The following ZNF862 variants were observed in gnomAD, a reference collection of about 807,000 sequenced individuals.
ZNF862 encodes the protein zinc finger protein 862.
In ZNF862, 64 loss-of-function variants were observed where a neutral mutation model predicts 91.1. The ratio of observed to expected loss-of-function variants is 0.70; its 90% CI spans 0.57 to 0.87. ZNF862 has a LOEUF of 0.87. ZNF862 is among the 40% of genes least tolerant of loss of function. ZNF862 has a pLI of 0.00. For synonymous variants in ZNF862, 631 were observed against 618.1 expected, an observed-to-expected ratio of 1.02 and a Z score of -0.31; for missense variants, 1,459 against 1,528.0, an observed-to-expected ratio of 0.95 and a Z score of 0.75.
Position 149,862,090 on chromosome 7 carries a change from A to C in ZNF862, c.2930A>C (p.Glu977Ala). Residue 977 changes from glutamate to alanine, a missense_variant, in exon 7 of 8, where the codon GAG (glutamate) becomes GCG (alanine). Transcript: ENST00000223210. ...DDILNLARYF[E>A]CSLPTGYSEE... ...ATTCTCAACCTGGCCAGGTATTTCG[A>C]GTGCTCCCTCCCAACAGGATACAGT... 6.2e-7 allele frequency: 1 copy of C among 1,613,630 alleles called. No individual in the cohort carries two copies. Among genetic ancestry groups the C allele is most frequent in the Non-Finnish European group, 8.5e-7 (1 of 1,179,868 alleles).
At position 149,861,588 on chromosome 7, in the gene ZNF862, C is replaced by A; in HGVS notation, c.2428C>A (p.His810Asn). The change falls in exon 7 of 8, where the codon CAC becomes AAC. Residue 810 changes from histidine to asparagine, a missense_variant. Physicochemically the swap from His to Asn is moderately conservative, Grantham distance 68. Coordinates refer to ENST00000223210, the MANE Select transcript of ZNF862 (RefSeq NM_001099220.3). This position sits in a 1 kb window ranked among gnomAD's most constrained non-coding sequence, Gnocchi z 6.7. ...LLVSWPALAR[H>N]LQRVAEAGGQ... ...CGTGAGCTGGCCCGCCCTGGCCAGG[C>A]ACCTCCAGAGGGTGGCAGAGGCTGG... 1 of 1,597,758 alleles carries A rather than the reference C, an allele frequency of 6.3e-7. No homozygotes were observed. The highest frequency in any genetic ancestry group is 8.5e-7 in the Non-Finnish European group (1 of 1,174,376).
At chr7:149,860,305 A>T in intron 6 of ZNF862, 78 bp from the exon 7 acceptor site, 2 of 1,324,042 alleles carry the variant, frequency 1.5e-6, no homozygotes, top group Non-Finnish European at 2.1e-6. Flanking sequence ...TACTTATTAA[A>T]TTTGGGGGTG....
chr7:149,860,191 G>A (rs1802412823), intron 6 of ZNF862, 192 bp from the exon 7 acceptor site: 4 of 602,942 alleles, frequency 6.6e-6, no homozygotes, highest in Non-Finnish European at 1.1e-5. Context: ...AACTCTGGGG[G>A]AGCCAGATGA....
chr7:149,862,555 A>G, intron 7 of ZNF862, 61 bp downstream of exon 7: 1 of 1,490,400 alleles, frequency 6.7e-7, no homozygotes, highest in East Asian at 2.4e-5. Context: ...GGCCAATAAG[A>G]CAGGACTGCA....
chr7:149,840,310 T>C (rs1212964954), intron 1 of ZNF862, among the ~76,000 whole-genome samples: 1 of 148,436 alleles, frequency 6.7e-6, no homozygotes, highest in Admixed American at 6.7e-5. Context: ...AATACAAAAA[T>C]ATTTAAAGAA....
intron 1 of ZNF862, among the ~76,000 whole-genome samples, chr7:149,840,397 T>C (rs1051265157): frequency 3.9e-5 from 6 of 152,256 alleles, no homozygotes; most frequent in African/African-American, 1.4e-4. Flanking sequence ...AAATTAAGTT[T>C]ATAAAGTAAA....
chr7:149,862,513 G>A lies in ZNF862; in HGVS notation c.3334+19G>A, dbSNP rs1051325927. The A allele has an allele frequency of 1.3e-6, 2 of 1,559,270 alleles. No individual in the cohort carries two copies. The highest frequency in any genetic ancestry group is 1.7e-6 in the Non-Finnish European group (2 of 1,151,342). ...CCTGCAAGTAAGTACACGTGGCAGAGCTCCCCCAAGGCAGCCTCATGCTGA... is the reference window on the plus strand; with the variant it reads ...CCTGCAAGTAAGTACACGTGGCAGAACTCCCCCAAGGCAGCCTCATGCTGA... On this transcript the variant is annotated intron_variant, in intron 7 of 7. Coordinates refer to ENST00000223210, the MANE Select transcript of ZNF862 (RefSeq NM_001099220.3).
chr7:149,840,187 TAAAAAAA>T (rs60721842), intron 1 of ZNF862, among the ~76,000 whole-genome samples: 489 of 41,282 alleles, frequency 0.012, 2 homozygotes, highest in African/African-American at 0.034. Context: ...GCTTAAAAAG[TAAAAAAA>T]AAAAAAAAAA....
intron 3 of ZNF862, among the ~76,000 whole-genome samples, chr7:149,846,778 A>G (rs956322541): frequency 6.6e-6 from 1 of 152,242 alleles, no homozygotes; most frequent in African/African-American, 2.4e-5. Context: ...GGTGGGGAAC[A>G]AGATCCTGTA....
At chr7:149,862,592 C>G in intron 7 of ZNF862, 98 bp downstream of exon 7, 1 of 1,342,604 alleles carries the variant, frequency 7.4e-7, no homozygotes, top group Non-Finnish European at 9.9e-7. Flanking sequence ...CTGTCATGCA[C>G]CCACCCATTT....
At chr7:149,853,109 G>A (rs1188079543) in intron 5 of ZNF862, among the ~76,000 whole-genome samples, 6 of 152,224 alleles carry the variant, frequency 3.9e-5, no homozygotes, top group Admixed American at 3.3e-4. Context: ...GTTTGTTTGA[G>A]ATGGGGTCTC....
At chr7:149,839,765 C>T (rs1055904232) in intron 1 of ZNF862, among the ~76,000 whole-genome samples, 1 of 152,156 alleles carries the variant, frequency 6.6e-6, no homozygotes, top group African/African-American at 2.4e-5. Flanking sequence ...CTACAGAGTA[C>T]GTGGTCCAAG....
In ZNF862 at chr7:149,861,897, G is replaced by C; in HGVS notation, c.2737G>C (p.Ala913Pro). 6.2e-7 allele frequency: 1 copy of C among 1,613,758 alleles called. No homozygotes were observed. The stretch of plus-strand genomic sequence containing the variant: ...CATCTGCTTGGACAAACTGGAGGTA[G>C]CGGAACAGCGGTTCCAGGCGGATAG... ...HGICLDKLEV[A>P]EQRFQADRER... The change falls in exon 7 of 8, where the codon GCG becomes CCG. Residue 913 changes from alanine to proline, a missense_variant. Coordinates refer to ENST00000223210, the MANE Select transcript of ZNF862 (RefSeq NM_001099220.3). This position sits in a 1 kb window ranked among gnomAD's most constrained non-coding sequence, Gnocchi z 6.7.
At chr7:149,862,519 C>G in intron 7 of ZNF862, 25 bp downstream of exon 7, 2 of 1,551,072 alleles carry the variant, frequency 1.3e-6, no homozygotes, top group Non-Finnish European at 1.7e-6. Flanking sequence ...CAGAGCTCCC[C>G]CAAGGCAGCC....
rs1447387745 is a variant in ZNF862 at position 149,861,667 on chromosome 7, A to G, written c.2507A>G (p.His836Arg). 1 of 1,610,922 alleles carries G rather than the reference A, an allele frequency of 6.2e-7. No individual in the cohort carries two copies. Among genetic ancestry groups the G allele is most frequent in the South Asian group, 1.1e-5 (1 of 90,694 alleles). ...ATGCTGAAGCTCATGCGCGGCTTCCACTTTGTCAAGTTCTGCCACTTCCTG... is the reference window on the plus strand; with the variant it reads ...ATGCTGAAGCTCATGCGCGGCTTCCGCTTTGTCAAGTTCTGCCACTTCCTG... ...KGMLKLMRGF[H>R]FVKFCHFLLD... The change falls in exon 7 of 8, where the codon CAC becomes CGC. Residue 836 changes from histidine to arginine, a missense_variant. Physicochemically the swap from His to Arg is conservative, Grantham distance 29. Transcript: ENST00000223210. The surrounding 1 kb of genome is among the most constrained non-coding windows in gnomAD (Gnocchi z 6.7).
rs1173586489 is a variant in ZNF862, at chr7:149,850,420, T to G, written c.1117+82T>G. ...AGGGGAGCTGTGGCTTGTGGTTATCTTCCCATTCCTGCCCCCTCCCTGTGT... is the reference window on the plus strand; with the variant it reads ...AGGGGAGCTGTGGCTTGTGGTTATCGTCCCATTCCTGCCCCCTCCCTGTGT... On this transcript the variant is annotated intron_variant, in intron 5 of 7. Coordinates refer to ENST00000223210, the MANE Select transcript of ZNF862 (RefSeq NM_001099220.3). This position sits in a 1 kb window ranked among gnomAD's most constrained non-coding sequence, Gnocchi z 4.2. 8 of 1,408,846 alleles carry G rather than the reference T, an allele frequency of 5.7e-6. No homozygotes were observed. Among genetic ancestry groups the G allele is most frequent in the Non-Finnish European group, 7.7e-6 (8 of 1,043,180 alleles). 87.3% of individuals were successfully genotyped at this position (1,408,846 alleles called of 1,614,324 possible).
At chr7:149,863,457 C>G (rs1474059258) in intron 7 of ZNF862, among the ~76,000 whole-genome samples, 1 of 152,252 alleles carries the variant, frequency 6.6e-6, no homozygotes, top group South Asian at 2.1e-4. Flanking sequence ...GACAGAGGCT[C>G]TGTAGGAAGC....
intron 1 of ZNF862, chr7:149,840,795 A>C: frequency 1.6e-5 from 4 of 252,780 alleles, no homozygotes; most frequent in Admixed American, 6.5e-5. Flanking sequence ...CATATAGCCT[A>C]GATATGTAGT....
intron 3 of ZNF862, among the ~76,000 whole-genome samples, chr7:149,846,554 C>T (rs1330516899): frequency 1.3e-5 from 2 of 152,164 alleles, no homozygotes; most frequent in African/African-American, 4.8e-5. Flanking sequence ...GTGCTTAGAA[C>T]AATACCTGGC....
Sources: allele counts gnomAD v4.1 joint callset (sites outside exome capture counted in the v4.1 genomes callset), GRCh38; gene constraint gnomAD v4.1.1; non-coding constraint Gnocchi (gnomAD v3.1); transcripts MANE v1.5; gene names NCBI Gene and HGNC (gene_info 2026-07-23, HGNC 2026-07-21).